UNC13A: variants seen among roughly 807,000 people sequenced by gnomAD.
UNC13A encodes the protein unc-13 homolog A, also known as protein unc-13 homolog A.
In UNC13A, 61 loss-of-function variants were observed where a neutral mutation model predicts 219.7. The observed-to-expected ratio is 0.28, with a 90% CI of 0.23 to 0.34. The LOEUF (loss-of-function observed/expected upper bound fraction) is 0.34, where lower values mean the gene tolerates loss of function less well. Among genes scored for constraint, UNC13A ranks in the 10% least tolerant of loss-of-function variants. The probability of loss-of-function intolerance (pLI) is 1.00; values close to 1 mark genes in which losing one functional copy is unlikely to be tolerated. For missense variants in UNC13A, 1,476 were observed against 2,270.3 expected (o/e 0.65, Z 7.11); for synonymous variants, 920 against 884.6 (o/e 1.04, Z -0.71).
chr19:17,651,893 G>A (rs1416888781), intron 12 of UNC13A, among the ~76,000 whole-genome samples: 5 of 152,072 alleles, frequency 3.3e-5, no homozygotes, highest in African/African-American at 1.2e-4. Flanking sequence ...AAAATATCTT[G>A]TGCATCCTCT....
At chr19:17,669,999 T>G (rs1339050132) in intron 4 of UNC13A, among the ~76,000 whole-genome samples, 3 of 145,344 alleles carry the variant, frequency 2.1e-5, no homozygotes, top group Admixed American at 7.1e-5. Flanking sequence ...CAGGCTGGAG[T>G]GCAGTGGCGC....
intron 31 of UNC13A, among the ~76,000 whole-genome samples, chr19:17,628,916 A>C (rs2076812633): frequency 6.6e-6 from 1 of 152,068 alleles, no homozygotes; most frequent in Non-Finnish European, 1.5e-5. Context: ...CCCTGTTAAC[A>C]AAGCCAGACA....
intron 1 of UNC13A, 99 bp downstream of exon 1, chr19:17,688,079 G>T: frequency 1.4e-6 from 2 of 1,428,900 alleles, no homozygotes; most frequent in Non-Finnish European, 9.3e-7. Flanking sequence ...ACCTGGACTC[G>T]GGTCACCCCC....
intron 28 of UNC13A, 58 bp from the exon 29 acceptor site, chr19:17,630,808 C>T: frequency 1.3e-6 from 2 of 1,517,944 alleles, no homozygotes; most frequent in Middle Eastern, 1.8e-4. Flanking sequence ...AACCTCTGCG[C>T]CGCCTGGTTC....
chr19:17,623,562 G>T lies in UNC13A; in HGVS notation c.4198-15C>A. On this transcript the variant is annotated splice_polypyrimidine_tract_variant and intron_variant, in intron 35 of 43. Coordinates refer to ENST00000519716, the MANE Select transcript of UNC13A (RefSeq NM_001080421.3). ...CTTACGATCATCTGTCATCCGTGATGGGGGCGGGGCGGTGGGGGAGGGGGG... is the reference window on the plus strand; with the variant it reads ...CTTACGATCATCTGTCATCCGTGATTGGGGCGGGGCGGTGGGGGAGGGGGG... 3 of 1,436,776 alleles carry T rather than the reference G, an allele frequency of 2.1e-6. No individual in the cohort carries two copies. The highest frequency in any genetic ancestry group is 2.8e-6 in the Non-Finnish European group (3 of 1,088,260). 89.0% of individuals were successfully genotyped at this position (1,436,776 alleles called of 1,614,324 possible).
At chr19:17,616,608 G>A (rs529771469) in intron 41 of UNC13A, 268 of 512,862 alleles carry the variant, frequency 5.2e-4, no homozygotes, top group Admixed American at 9.4e-4. Flanking sequence ...TGAGAGGGAG[G>A]AAAAACAAGA....
At chr19:17,610,991 C>T (rs2076597713) in intron 42 of UNC13A, among the ~76,000 whole-genome samples, 1 of 152,130 alleles carries the variant, frequency 6.6e-6, no homozygotes, top group Admixed American at 6.5e-5. Context: ...TGTGATTGCA[C>T]CACAGCGCTC....
In UNC13A at chr19:17,647,383, G is replaced by A. The variant is rs780011051; in HGVS notation, c.1926C>T (p.Phe642=). The part of the protein sequence containing the change: ...KIRERNKPEI[F]ELIQEIFAVT... ...CCGCGAAGATCTCCTGGATGAGCTC[G>A]AAGATCTCGGGCTTGTTGCGCTCCC... Residue 642 remains phenylalanine, a synonymous_variant, in exon 17 of 44, where the codon TTC becomes TTT. Transcript: ENST00000519716. The A allele has an allele frequency of 6.2e-6, 10 of 1,613,576 alleles. No individual in the cohort carries two copies. The highest frequency in any genetic ancestry group is 1.7e-5 in the Admixed American group (1 of 59,978).
intron 11 of UNC13A, among the ~76,000 whole-genome samples, chr19:17,653,461 C>CCT (rs953628372): frequency 5.3e-4 from 81 of 152,088 alleles, no homozygotes; most frequent in African/African-American, 1.9e-3. Context: ...GATTCTCCTG[C>CCT]CTCAGCCTTC....
At chr19:17,681,662 C>G (rs1029725967) in intron 1 of UNC13A, among the ~76,000 whole-genome samples, 1 of 152,170 alleles carries the variant, frequency 6.6e-6, no homozygotes, top group African/African-American at 2.4e-5. Flanking sequence ...AGTAGGTGCT[C>G]ATTAAATAGT....
intron 12 of UNC13A, among the ~76,000 whole-genome samples, chr19:17,651,068 G>T (rs532664983): frequency 1.3e-3 from 194 of 151,772 alleles, no homozygotes; most frequent in African/African-American, 4.4e-3. Flanking sequence ...CTCCCAAGTA[G>T]CTGGGATTAC....
intron 42 of UNC13A, 72 bp downstream of exon 42, chr19:17,611,691 G>C: frequency 7.2e-7 from 1 of 1,387,134 alleles, no homozygotes; most frequent in South Asian, 1.2e-5. Context: ...AAAAAAGGGT[G>C]TTGCTTAAGC....
At chr19:17,620,373 A>AT (rs1440835691) in intron 38 of UNC13A, among the ~76,000 whole-genome samples, 2 of 151,960 alleles carry the variant, frequency 1.3e-5, no homozygotes, top group Admixed American at 6.6e-5. Context: ...TACTATTCTT[A>AT]TTTCTTGTCT....
intron 8 of UNC13A, among the ~76,000 whole-genome samples, chr19:17,660,036 C>T (rs2079524689): frequency 6.6e-6 from 1 of 152,034 alleles, no homozygotes; most frequent in Admixed American, 6.6e-5. Context: ...GCTGGGACCA[C>T]AGGCACACAC....
At chr19:17,633,218 A>G in intron 26 of UNC13A, 25 bp from the exon 27 acceptor site, 3 of 1,612,158 alleles carry the variant, frequency 1.9e-6, no homozygotes, top group Non-Finnish European at 2.5e-6. Context: ...GAAGTATAAA[A>G]CTTTGGCAGG....
intron 8 of UNC13A, 136 bp from the exon 9 acceptor site, chr19:17,658,405 G>T: frequency 1.2e-6 from 1 of 838,850 alleles, no homozygotes; most frequent in Non-Finnish European, 1.9e-6. Context: ...AGAATTGTGG[G>T]TCATGTTAAT....
At chr19:17,654,247 A>G (rs2079408686) in intron 11 of UNC13A, among the ~76,000 whole-genome samples, 1 of 152,048 alleles carries the variant, frequency 6.6e-6, no homozygotes, top group African/African-American at 2.4e-5. Flanking sequence ...TCATATTACT[A>G]GTTCCATAGT....
chr19:17,676,968 C>G (rs2079911069), intron 1 of UNC13A, among the ~76,000 whole-genome samples: 1 of 152,124 alleles, frequency 6.6e-6, no homozygotes, highest in Admixed American at 6.6e-5. Context: ...GAGCCAAGAT[C>G]ATGCCACTGC....
At position 17,655,338 on chromosome 19, in the gene UNC13A, G is replaced by A. The variant is rs2145864477; in HGVS notation, c.1328C>T (p.Ser443Phe). The A allele has an allele frequency of 6.3e-7, 1 of 1,592,040 alleles. No individual in the cohort carries two copies. The highest frequency in any genetic ancestry group is 8.5e-7 in the Non-Finnish European group (1 of 1,169,814). Residue 443 changes from serine to phenylalanine, a missense_variant, in exon 11 of 44, where the codon TCC becomes TTC. By Grantham distance (155) the Ser-to-Phe change is radical. Transcript: ENST00000519716. ...EDEEGQEGQD[S>F]MSRAKANWLR... ...CCAGTTGGCCTTGGCCCTGGACATG[G>A]AGTCCTGCCCCTCCTGGCCTTCCTC...
Sources: allele counts gnomAD v4.1 joint callset (sites outside exome capture counted in the v4.1 genomes callset), GRCh38; gene constraint gnomAD v4.1.1; transcripts MANE v1.5; gene names NCBI Gene and HGNC (gene_info 2026-07-23, HGNC 2026-07-21).